Variants in GAS7 observed in about 807,000 individuals in gnomAD.
The protein encoded by GAS7 is growth arrest specific 7.
GAS7 carries 28 observed loss-of-function variants against 71.1 expected under a neutral mutation model. The observed-to-expected ratio is 0.39, with a 90% CI of 0.29 to 0.54. GAS7 has a LOEUF of 0.54. Among genes scored for constraint, GAS7 ranks in the 20% least tolerant of loss-of-function variants. The pLI is 0.62. For missense variants in GAS7, 436 were observed against 627.8 expected (o/e 0.69, Z 3.27); for synonymous variants, 258 against 245.8 (o/e 1.05, Z -0.46).
At chr17:10,107,673 G>A (rs12453804) in intron 1 of GAS7, among the ~76,000 whole-genome samples, 49,395 of 141,656 alleles carry the variant, frequency 0.35, 7,903 homozygotes, top group African/African-American at 0.44. Flanking sequence ...GTGGTGGGCT[G>A]GGCAGGAGAA....
chr17:10,195,210 G>A (rs1036494024), intron 1 of GAS7, among the ~76,000 whole-genome samples: 2 of 152,132 alleles, frequency 1.3e-5, no homozygotes, highest in African/African-American at 4.8e-5. Flanking sequence ...CAAAAACCAA[G>A]ACCTCCTCCA....
At chr17:10,166,499 T>C (rs187080782) in intron 1 of GAS7, among the ~76,000 whole-genome samples, 1 of 152,364 alleles carries the variant, frequency 6.6e-6, no homozygotes, top group African/African-American at 2.4e-5. Flanking sequence ...AAATATGTAT[T>C]GATGCTTTCC....
chr17:10,129,418 C>T (rs1027577334), intron 1 of GAS7, among the ~76,000 whole-genome samples: 2 of 152,036 alleles, frequency 1.3e-5, no homozygotes, highest in Non-Finnish European at 2.9e-5. Context: ...GCCTGTAGTC[C>T]CAGCTACTTG....
intron 4 of GAS7, among the ~76,000 whole-genome samples, chr17:9,963,648 G>A (rs879706071): frequency 7.2e-5 from 11 of 151,988 alleles, no homozygotes; most frequent in African/African-American, 2.4e-4. Context: ...TGGAAGGATC[G>A]CTTGAGCCCA....
In GAS7 at chr17:9,982,937, T is replaced by C. The variant is rs16959185; in HGVS notation, c.305-1053A>G. The stretch of plus-strand genomic sequence containing the variant: ...TAGTATTGTCCCCCAAACACTACTT[T>C]ACCCATTTCACTGCCATGAGCAGAG... On this transcript the variant is annotated intron_variant, in intron 2 of 13. Transcript: ENST00000432992. Among the ~76,000 whole-genome samples, 1,291 of 152,274 alleles carry C rather than the reference T, an allele frequency of 8.5e-3. 20 individuals are homozygous for C. Among genetic ancestry groups the C allele is most frequent in the African/African-American group, 0.03 (1,234 of 41,550 alleles).
chr17:10,177,557 T>G (rs1597837137), intron 1 of GAS7, among the ~76,000 whole-genome samples: 1 of 152,028 alleles, frequency 6.6e-6, no homozygotes, highest in East Asian at 1.9e-4. Context: ...CCTATGGAGG[T>G]GTTACCTTCT....
intron 4 of GAS7, among the ~76,000 whole-genome samples, chr17:9,961,255 C>T (rs985704277): frequency 6.6e-6 from 1 of 152,164 alleles, no homozygotes; most frequent in Non-Finnish European, 1.5e-5. Context: ...ATCCAGCTGG[C>T]CCACCCTATA....
chr17:10,167,887 C>T (rs557896372), intron 1 of GAS7, among the ~76,000 whole-genome samples: 27 of 152,034 alleles, frequency 1.8e-4, no homozygotes, highest in Admixed American at 9.2e-4. Flanking sequence ...TTTGTAGAGA[C>T]GGGATTTTGT....
intron 2 of GAS7, among the ~76,000 whole-genome samples, chr17:9,997,608 C>T (rs1302557163): frequency 6.6e-6 from 1 of 152,194 alleles, no homozygotes; most frequent in Non-Finnish European, 1.5e-5. Context: ...GATTCTGATA[C>T]TATCTACCTG....
At position 9,943,219 on chromosome 17, in the gene GAS7, G is replaced by C; in HGVS notation, c.633C>G (p.Pro211=). Residue 211 remains proline (P), a synonymous_variant, in exon 7 of 14, where the codon CCC becomes CCG. Transcript: ENST00000432992. The part of the protein sequence containing the change: ...CDYFWADKKD[P]QGNGTVAGFE... The stretch of plus-strand genomic sequence containing the variant: ...ACCCAGCCACGGTGCCGTTGCCTTG[G>C]GGGTCCTTCTTATCAGCCTACAAAG... 6.2e-7 allele frequency: 1 copy of C among 1,607,792 alleles called. No homozygotes were observed. Among genetic ancestry groups the C allele is most frequent in the South Asian group, 1.1e-5 (1 of 90,972 alleles).
At chr17:9,936,527 G>A (rs1407927471) in intron 8 of GAS7, among the ~76,000 whole-genome samples, 1 of 152,142 alleles carries the variant, frequency 6.6e-6, no homozygotes, top group Non-Finnish European at 1.5e-5. Flanking sequence ...GCCAGACACT[G>A]CTAAGTGGGA....
chr17:10,050,247 T>C (rs2073044379), intron 1 of GAS7, among the ~76,000 whole-genome samples: 1 of 152,170 alleles, frequency 6.6e-6, no homozygotes. Flanking sequence ...GTAGGGTTTA[T>C]TGTATTATCT....
At chr17:9,963,039 GAA>G (rs71139010) in intron 4 of GAS7, among the ~76,000 whole-genome samples, 2 of 131,006 alleles carry the variant, frequency 1.5e-5, no homozygotes, top group Admixed American at 7.7e-5. Context: ...TCAAGGTGAT[GAA>G]AAAAAAAAAA....
intron 1 of GAS7, among the ~76,000 whole-genome samples, chr17:10,052,040 C>T (rs993198032): frequency 2.0e-5 from 3 of 152,224 alleles, no homozygotes; most frequent in Non-Finnish European, 2.9e-5. Context: ...ATTTTATAAT[C>T]GGGCTAGCTT....
intron 1 of GAS7, among the ~76,000 whole-genome samples, chr17:10,128,518 T>C (rs2073969556): frequency 6.6e-6 from 1 of 152,212 alleles, no homozygotes; most frequent in South Asian, 2.1e-4. Context: ...CTCACCCCCT[T>C]AACTAGGCCA....
chr17:10,101,907 C>T (rs1375569795), intron 1 of GAS7, among the ~76,000 whole-genome samples: 1 of 152,074 alleles, frequency 6.6e-6, no homozygotes, highest in Non-Finnish European at 1.5e-5. Flanking sequence ...GTACATGGGG[C>T]CCTGCCCTCT....
intron 1 of GAS7, among the ~76,000 whole-genome samples, chr17:10,020,422 G>A (rs530319918): frequency 1.1e-4 from 16 of 152,274 alleles, no homozygotes; most frequent in Admixed American, 2.6e-4. Context: ...AGCTTCTCTC[G>A]CCAAGGGTCC....
chr17:10,061,693 G>A (rs975676085), intron 1 of GAS7, among the ~76,000 whole-genome samples: 1 of 152,178 alleles, frequency 6.6e-6, no homozygotes, highest in African/African-American at 2.4e-5. Context: ...GAGCCTCTGG[G>A]GGGAAGCTGT....
At chr17:10,057,654 C>T (rs878999890) in intron 1 of GAS7, among the ~76,000 whole-genome samples, 4 of 151,562 alleles carry the variant, frequency 2.6e-5, no homozygotes, top group South Asian at 2.1e-4. Flanking sequence ...CCCCGCCAGC[C>T]GCCCCGTCCG....
Sources: gnomAD v4.1 joint callset for allele counts (sites outside exome capture counted in the v4.1 genomes callset) on GRCh38, gnomAD v4.1.1 for gene constraint, MANE v1.5 for transcripts, NCBI Gene and HGNC (gene_info 2026-07-23, HGNC 2026-07-21) for gene names.